The following SUPT3H variants were observed in gnomAD, a reference collection of about 807,000 sequenced individuals.
SUPT3H encodes the protein SPT3 homolog, SAGA and STAGA complex component, also known as transcription initiation protein SPT3 homolog.
In SUPT3H, 44 loss-of-function variants were observed where a neutral mutation model predicts 44.3. That is an observed-to-expected ratio of 0.99 (90% CI 0.78 to 1.28). The LOEUF is 1.28. SUPT3H is among the 50% of genes most tolerant of loss of function. The pLI is 0.00. For synonymous variants in SUPT3H, 124 were observed against 125.6 expected, an observed-to-expected ratio of 0.99 and a Z score of 0.09; for missense variants, 380 against 387.1, an observed-to-expected ratio of 0.98 and a Z score of 0.15.
At chr6:45,172,184 TC>T (rs1410604675) in intron 2 of SUPT3H, among the ~76,000 whole-genome samples, 1 of 151,410 alleles carries the variant, frequency 6.6e-6, no homozygotes, top group Non-Finnish European at 1.5e-5. Context: ...GCGATTCTCC[TC>T]CCTCAGCCTC....
intron 2 of SUPT3H, among the ~76,000 whole-genome samples, chr6:45,164,442 C>G (rs1485620549): frequency 9.2e-5 from 14 of 152,096 alleles, no homozygotes; most frequent in Non-Finnish European, 5.9e-5. Context: ...AATCTAACTA[C>G]CAAGAATTAC....
At chr6:45,328,639 T>C (rs373512479) in intron 2 of SUPT3H, 11 of 1,610,228 alleles carry the variant, frequency 6.8e-6, no homozygotes, top group Non-Finnish European at 9.3e-6. Flanking sequence ...AAACAAGGTT[T>C]GGGTATGGTT....
intron 10 of SUPT3H, among the ~76,000 whole-genome samples, chr6:44,890,976 G>A (rs1330052287): frequency 6.6e-6 from 1 of 150,962 alleles, no homozygotes; most frequent in African/African-American, 2.5e-5. Flanking sequence ...ACTGGGGCCT[G>A]TCGGGGTTGG....
chr6:45,316,920 A>C (rs1274059266), intron 2 of SUPT3H, among the ~76,000 whole-genome samples: 1 of 152,196 alleles, frequency 6.6e-6, no homozygotes, highest in Non-Finnish European at 1.5e-5. Flanking sequence ...TTATGTATTG[A>C]AAGAATATTG....
At chr6:45,117,250 T>C (rs1167472074) in intron 2 of SUPT3H, among the ~76,000 whole-genome samples, 2 of 152,098 alleles carry the variant, frequency 1.3e-5, no homozygotes, top group Non-Finnish European at 2.9e-5. Context: ...TAATCAACAC[T>C]TTGTGGGCTG....
chr6:45,370,979 A>G (rs991231954), intron 1 of SUPT3H, among the ~76,000 whole-genome samples: 1 of 152,200 alleles, frequency 6.6e-6, no homozygotes, highest in Non-Finnish European at 1.5e-5. Context: ...CTATCAGATT[A>G]TCCTTAAGCC....
chr6:45,007,134 C>A (rs1222425884), intron 5 of SUPT3H, among the ~76,000 whole-genome samples: 1 of 152,116 alleles, frequency 6.6e-6, no homozygotes, highest in African/African-American at 2.4e-5. Context: ...TGCCTTCTAG[C>A]TTCCGGTGTT....
chr6:44,816,091 T>A (rs142587505), intron 11 of SUPT3H, among the ~76,000 whole-genome samples: 28 of 152,094 alleles, frequency 1.8e-4, no homozygotes, highest in Non-Finnish European at 1.3e-4. Context: ...TCTCAAACAT[T>A]TGGAAACGAA....
downstream of SUPT3H, among the ~76,000 whole-genome samples, chr6:44,826,076 G>T (rs570766199): frequency 6.6e-6 from 1 of 152,256 alleles, no homozygotes; most frequent in African/African-American, 2.4e-5. Context: ...TAGGTATCAT[G>T]GTATCAGTAT....
chr6:45,149,745 A>G (rs72869199), intron 2 of SUPT3H, among the ~76,000 whole-genome samples: 2,791 of 152,278 alleles, frequency 0.018, 33 homozygotes, highest in South Asian at 0.029. Flanking sequence ...AATGTTAACA[A>G]TCTGGACAAA....
intron 2 of SUPT3H, among the ~76,000 whole-genome samples, chr6:45,143,790 A>G (rs572179510): frequency 1.3e-5 from 2 of 152,238 alleles, no homozygotes; most frequent in African/African-American, 4.8e-5. Context: ...CAAAATAGAT[A>G]CACCAGTAAA....
At chr6:45,083,461 A>T (rs12191521) in intron 3 of SUPT3H, among the ~76,000 whole-genome samples, 29,041 of 151,982 alleles carry the variant, frequency 0.19, 3,586 homozygotes, top group Non-Finnish European at 0.28. Context: ...AACTGCTGGG[A>T]TTGCAGGCAT....
chr6:45,208,769 A>C (rs768967347), intron 2 of SUPT3H, among the ~76,000 whole-genome samples: 28 of 152,012 alleles, frequency 1.8e-4, no homozygotes, highest in Non-Finnish European at 3.2e-4. Context: ...GAAACAAAAC[A>C]ACCTTCTACT....
chr6:45,323,848 A>C (rs1238033486), intron 2 of SUPT3H, among the ~76,000 whole-genome samples: 1 of 152,088 alleles, frequency 6.6e-6, no homozygotes, highest in Non-Finnish European at 1.5e-5. Context: ...AACGTATACT[A>C]TAATGTCCTA....
chr6:45,184,173 T>TA (rs955594143), intron 2 of SUPT3H, among the ~76,000 whole-genome samples: 7 of 151,946 alleles, frequency 4.6e-5, no homozygotes, highest in African/African-American at 7.3e-5. Context: ...TAAAACTTCT[T>TA]AAAAAAAAGT....
chr6:44,912,398 C>G (rs1479269140), intron 10 of SUPT3H, among the ~76,000 whole-genome samples: 1 of 152,172 alleles, frequency 6.6e-6, no homozygotes, highest in Non-Finnish European at 1.5e-5. Context: ...CATGTTATAG[C>G]ACGTATCAGA....
chr6:45,305,934 T>C (rs1360560729), intron 2 of SUPT3H, among the ~76,000 whole-genome samples: 2 of 152,226 alleles, frequency 1.3e-5, no homozygotes, highest in Admixed American at 1.3e-4. Context: ...CCAAACCAGC[T>C]ATCACACAGA....
intron 2 of SUPT3H, among the ~76,000 whole-genome samples, chr6:45,309,498 A>G (rs570148626): frequency 6.6e-5 from 10 of 152,170 alleles, no homozygotes; most frequent in African/African-American, 2.4e-4. Flanking sequence ...CTTATAAAAT[A>G]TATGAGACAG....
chr6:45,064,265 A>G lies in SUPT3H; in HGVS notation c.186+41657T>C, dbSNP rs1792803938. Reference sequence around the variant, plus strand: ...TTCACAGACAAGCAAATGCTGAGAGATTTTGTCACCACTAGGCCTGCCCTA... The same window carrying G: ...TTCACAGACAAGCAAATGCTGAGAGGTTTTGTCACCACTAGGCCTGCCCTA... On this transcript the variant is annotated intron_variant, in intron 3 of 10. Coordinates refer to ENST00000371459, the MANE Select transcript of SUPT3H (RefSeq NM_003599.4). Among the ~76,000 whole-genome samples the G allele has an allele frequency of 2.0e-5, 3 of 146,672 alleles. No individual in the cohort carries two copies. The South Asian group carries it at 6.6e-4, about 32-fold the overall frequency.
Sources: allele counts gnomAD v4.1 joint callset (sites outside exome capture counted in the v4.1 genomes callset), GRCh38; gene constraint gnomAD v4.1.1; transcripts MANE v1.5; gene names NCBI Gene and HGNC (gene_info 2026-07-23, HGNC 2026-07-21).